TERF2: variants seen among roughly 807,000 people sequenced by gnomAD.
TERF2 encodes telomeric repeat binding factor 2, also known as telomeric repeat-binding factor 2.
Under a neutral mutation model 56.1 loss-of-function variants are expected in TERF2, and 16 were observed. The observed-to-expected ratio is 0.29, with a 90% CI of 0.19 to 0.43. TERF2 has a LOEUF of 0.43. Among genes scored for constraint, TERF2 ranks in the 20% least tolerant of loss-of-function variants. The pLI is 1.00. For synonymous variants in TERF2, 296 were observed against 282.1 expected, an observed-to-expected ratio of 1.05 and a Z score of -0.50; for missense variants, 547 against 712.9, an observed-to-expected ratio of 0.77 and a Z score of 2.65.
At position 69,357,594 on chromosome 16, in the gene TERF2, G is replaced by C. The variant is rs776268576; in HGVS notation, c.1427-33C>G. The stretch of plus-strand genomic sequence containing the variant: ...ACATTAAAAGTAGACTCATTTCAGA[G>C]TTCACCTTTCTCTGCACAAACCACA... On this transcript the variant is annotated intron_variant, in intron 8 of 9. Transcript: ENST00000254942. 8 of 1,610,602 alleles carry C rather than the reference G, an allele frequency of 5.0e-6. 1 individual carries two copies. The South Asian group carries it at 8.9e-5, about 18-fold the overall frequency.
rs184909154 is a variant in TERF2, at chr16:69,382,646, C to G, written c.606+1934G>C. On this transcript the variant is annotated intron_variant, in intron 3 of 9. Coordinates refer to ENST00000254942, the MANE Select transcript of TERF2 (RefSeq NM_005652.5). ...CATGATTTGCTGTAGGAAAACAAAG[C>G]TGCCATGTTGCAAGCAGCCTTATCT... 5.3e-5 allele frequency among the ~76,000 whole-genome samples: 8 copies of G among 152,308 alleles called. No homozygotes were observed. In the East Asian group the frequency reaches 1.3e-3, roughly 26 times the overall value.
intron 7 of TERF2, chr16:69,365,227 T>C (rs539266784): frequency 1.3e-5 from 2 of 152,296 alleles, no homozygotes; most frequent in Non-Finnish European, 2.9e-5. Flanking sequence ...AATGAGATCC[T>C]GTATCAAATG....
In TERF2 at chr16:69,382,310, G is replaced by C. The variant is rs2014033272; in HGVS notation, c.606+2270C>G. The stretch of plus-strand genomic sequence containing the variant: ...CTTAAATGCATGAGCAAGGCTCACT[G>C]AACCTAGGCGTCTGTAGAATTTTCC... On this transcript the variant is annotated intron_variant, in intron 3 of 9. Coordinates refer to ENST00000254942, the MANE Select transcript of TERF2 (RefSeq NM_005652.5). Among the ~76,000 whole-genome samples, 3 of 152,222 alleles carry C rather than the reference G, an allele frequency of 2.0e-5. No individual in the cohort carries two copies. In the South Asian group the frequency reaches 6.2e-4, roughly 31 times the overall value.
In TERF2 at chr16:69,367,217, G is replaced by A; in HGVS notation, c.948-18C>T. On this transcript the variant is annotated intron_variant, in intron 6 of 9. Coordinates refer to ENST00000254942, the MANE Select transcript of TERF2 (RefSeq NM_005652.5). ...GTAGCTGCCTGCAAATCAAGCATAG[G>A]CACAAAGATGTTTTTCACCACTGAT... 6.3e-7 allele frequency: 1 copy of A among 1,580,130 alleles called. No homozygotes were observed.
At chr16:69,373,299 CAGAG>C (rs2013645576) in intron 3 of TERF2, among the ~76,000 whole-genome samples, 2 of 151,962 alleles carry the variant, frequency 1.3e-5, no homozygotes, top group African/African-American at 4.8e-5. Flanking sequence ...TCACCAGCCA[CAGAG>C]AGAAAGTAGA....
At chr16:69,370,785 G>T (rs2013540202) in intron 4 of TERF2, among the ~76,000 whole-genome samples, 156 bp from the exon 5 acceptor site, 1 of 152,014 alleles carries the variant, frequency 6.6e-6, no homozygotes, top group African/African-American at 2.4e-5. Flanking sequence ...ACAAAGGATT[G>T]GTCAATAAAT....
At chr16:69,361,515 G>A (rs1221259336) in intron 7 of TERF2, 26 bp from the exon 8 acceptor site, 1 of 1,527,800 alleles carries the variant, frequency 6.5e-7, no homozygotes, top group Non-Finnish European at 9.1e-7. Context: ...GGAGAGCACA[G>A]GTATAAAACA....
intron 9 of TERF2, 26 bp from the exon 10 acceptor site, chr16:69,357,082 T>C: frequency 6.3e-7 from 1 of 1,596,586 alleles, no homozygotes; most frequent in Non-Finnish European, 8.5e-7. Context: ...AAAAGATTTA[T>C]TACCACCTTT....
chr16:69,376,573 G>A (rs2013791568), intron 3 of TERF2, among the ~76,000 whole-genome samples: 1 of 151,890 alleles, frequency 6.6e-6, no homozygotes, highest in Admixed American at 6.6e-5. Context: ...AGGCCAGATA[G>A]GGTGGCTCAA....
chr16:69,357,151 G>A, intron 9 of TERF2, 95 bp from the exon 10 acceptor site: 2 of 1,382,698 alleles, frequency 1.4e-6, no homozygotes, highest in South Asian at 1.4e-5. Context: ...AAGAATCCCA[G>A]GAGAATCATC....
chr16:69,370,172 A>T, intron 5 of TERF2: 1 of 349,826 alleles, frequency 2.9e-6, no homozygotes. Flanking sequence ...CTAGGATTAC[A>T]GGTGCCTGCC....
At position 69,384,753 on chromosome 16, in the gene TERF2, G is replaced by A. The variant is rs773712296; in HGVS notation, c.476-43C>T. ...TTTCATTTTTAAGCTCTTTTCTAAG[G>A]GTAAAAAAGTTATGTCCAAAAATTA... On this transcript the variant is annotated intron_variant, in intron 2 of 9. Transcript: ENST00000254942. 28 of 1,519,400 alleles carry A rather than the reference G, an allele frequency of 1.8e-5. No homozygotes were observed. The Middle Eastern group carries it at 5.2e-4, about 28-fold the overall frequency. The allele number at this position is 1,519,400 out of a possible 1,614,324, so 94.1% of individuals were successfully genotyped here.
chr16:69,385,272 A>G, intron 2 of TERF2, 119 bp downstream of exon 2: 2 of 857,974 alleles, frequency 2.3e-6, no homozygotes, highest in Non-Finnish European at 1.9e-6. Context: ...GTAGAATGAA[A>G]AAGACCACTC....
intron 3 of TERF2, among the ~76,000 whole-genome samples, chr16:69,382,178 T>C (rs1431805145): frequency 2.6e-5 from 4 of 152,232 alleles, no homozygotes; most frequent in Admixed American, 2.6e-4. Context: ...CCTCCAGAGA[T>C]CCCTAGACCA....
intron 3 of TERF2, among the ~76,000 whole-genome samples, chr16:69,377,833 A>C (rs1431860764): frequency 6.6e-6 from 1 of 150,824 alleles, no homozygotes; most frequent in Non-Finnish European, 1.5e-5. Context: ...ATCTTGCTAA[A>C]CTTACAGGAT....
intron 5 of TERF2, chr16:69,370,279 C>G: frequency 4.8e-6 from 3 of 626,002 alleles, no homozygotes; most frequent in South Asian, 2.4e-5. Flanking sequence ...GATCCACCCC[C>G]CTGGGCCTCC....
chr16:69,372,368 G>C lies in TERF2; in HGVS notation c.607-13C>G. ...AAATAATGACAGCCTAAAAAGGAGG[G>C]GAAAAATCTTTTTTTACTTTTGTAA... is the stretch of plus-strand genomic sequence containing the variant. On this transcript the variant is annotated splice_polypyrimidine_tract_variant and intron_variant, in intron 3 of 9. Coordinates refer to ENST00000254942, the MANE Select transcript of TERF2 (RefSeq NM_005652.5). 6.4e-7 allele frequency: 1 copy of C among 1,563,402 alleles called. No individual in the cohort carries two copies. The highest frequency in any genetic ancestry group is 1.2e-5 in the South Asian group (1 of 85,884).
At chr16:69,374,140 T>C (rs2013680323) in intron 3 of TERF2, among the ~76,000 whole-genome samples, 1 of 152,228 alleles carries the variant, frequency 6.6e-6, no homozygotes, top group African/African-American at 2.4e-5. Context: ...AAACTATACT[T>C]ACTTTCTTGA....
chr16:69,385,306 C>T (rs1395541750), intron 2 of TERF2, 85 bp downstream of exon 2: 3 of 1,203,658 alleles, frequency 2.5e-6, no homozygotes, highest in Non-Finnish European at 3.7e-6. Flanking sequence ...CGCACTTTAA[C>T]CTGGAATCCT....
Sources: gnomAD v4.1 joint callset for allele counts (sites outside exome capture counted in the v4.1 genomes callset) on GRCh38, gnomAD v4.1.1 for gene constraint, MANE v1.5 for transcripts, NCBI Gene and HGNC (gene_info 2026-07-23, HGNC 2026-07-21) for gene names.